Variants in FANCC observed in about 807,000 individuals in gnomAD.
The protein encoded by FANCC is Fanconi anemia group C protein.
Under a neutral mutation model 71.3 loss-of-function variants are expected in FANCC, and 55 were observed. The ratio of observed to expected loss-of-function variants is 0.77; its 90% CI spans 0.62 to 0.97. FANCC has a LOEUF of 0.97. FANCC is among the 50% of genes least tolerant of loss of function. FANCC has a pLI of 0.00. For synonymous variants in FANCC, 275 were observed against 244.9 expected, an observed-to-expected ratio of 1.12 and a Z score of -1.15; for missense variants, 678 against 670.9, an observed-to-expected ratio of 1.01 and a Z score of -0.12.
Position 95,174,140 on chromosome 9 carries a change from C to A in FANCC, c.346-1993G>T, listed in dbSNP as rs145121509. On this transcript the variant is annotated intron_variant, in intron 4 of 14. Coordinates refer to ENST00000289081, the MANE Select transcript of FANCC (RefSeq NM_000136.3). ...AAACTTTATGTCTCAGTTCTGGAGGCTGGGAAGTCCAGAACCAAGGAGCTG... is the reference window on the plus strand; with the variant it reads ...AAACTTTATGTCTCAGTTCTGGAGGATGGGAAGTCCAGAACCAAGGAGCTG... Among the ~76,000 whole-genome samples, 550 of 152,232 alleles carry A rather than the reference C, an allele frequency of 3.6e-3. 4 individuals are homozygous for A. The highest frequency in any genetic ancestry group is 0.012 in the African/African-American group (492 of 41,558).
At chr9:95,180,104 T>A (rs1180188102) in intron 4 of FANCC, among the ~76,000 whole-genome samples, 2 of 152,198 alleles carry the variant, frequency 1.3e-5, no homozygotes, top group African/African-American at 2.4e-5. Context: ...ATATTATGTA[T>A]CAATAAAAAT....
In FANCC at chr9:95,249,152, T is replaced by C. The variant is rs1588353368; in HGVS notation, c.140A>G (p.Lys47Arg). 6.2e-7 allele frequency: 1 copy of C among 1,614,050 alleles called. No individual in the cohort carries two copies. Among genetic ancestry groups the C allele is most frequent in the Non-Finnish European group, 8.5e-7 (1 of 1,179,952 alleles). ...CATCTCTTTCAAGGCTTCATACATC[T>C]TCCTTAGGAACTCCTGGAACTGAGC... ...HVAQFQEFLR[K>R]MYEALKEMDS... Residue 47 changes from lysine (K) to arginine (R), a missense_variant, in exon 2 of 15, where the codon AAG becomes AGG. Physicochemically the swap from Lys to Arg is conservative, Grantham distance 26. Transcript: ENST00000289081.
chr9:95,133,490 C>T (rs968738832), intron 8 of FANCC, among the ~76,000 whole-genome samples: 2 of 152,242 alleles, frequency 1.3e-5, no homozygotes, highest in Admixed American at 6.5e-5. Context: ...AAACTACAAA[C>T]TGGAGACTGA....
chr9:95,171,361 CA>C (rs1413761684), intron 5 of FANCC, among the ~76,000 whole-genome samples: 2 of 150,894 alleles, frequency 1.3e-5, no homozygotes, highest in Non-Finnish European at 2.9e-5. Context: ...CCTATTTAAG[CA>C]ATGAACAATA....
chr9:95,268,102 T>C (rs530193325), intron 1 of FANCC, among the ~76,000 whole-genome samples: 2 of 152,340 alleles, frequency 1.3e-5, no homozygotes, highest in South Asian at 4.1e-4. Context: ...ATTTTGCCTC[T>C]CCCCTACCAG....
intron 1 of FANCC, among the ~76,000 whole-genome samples, chr9:95,285,395 CA>C (rs1833630166): frequency 6.6e-6 from 1 of 151,842 alleles, no homozygotes; most frequent in African/African-American, 2.4e-5. Context: ...TTGTATATCA[CA>C]ATAAAAAAGC....
At chr9:95,170,974 AC>A (rs1825639997) in intron 6 of FANCC, 104 bp downstream of exon 6, 2 of 838,096 alleles carry the variant, frequency 2.4e-6, no homozygotes, top group South Asian at 2.8e-5. Flanking sequence ...ATAAAATACA[AC>A]CATAACTGAA....
intron 1 of FANCC, among the ~76,000 whole-genome samples, chr9:95,303,684 C>T (rs1238594746): frequency 1.3e-5 from 2 of 152,120 alleles, no homozygotes; most frequent in African/African-American, 4.8e-5. Flanking sequence ...TCTCTCTCTA[C>T]CTCTTCTTCT....
At chr9:95,181,472 AC>A (rs370572895) in intron 4 of FANCC, among the ~76,000 whole-genome samples, 249 of 152,254 alleles carry the variant, frequency 1.6e-3, no homozygotes, top group African/African-American at 5.7e-3. Context: ...TAAACACAAA[AC>A]CATTAAAGAT....
chr9:95,255,798 T>C (rs1381043677), intron 1 of FANCC, among the ~76,000 whole-genome samples: 1 of 151,870 alleles, frequency 6.6e-6, no homozygotes, highest in Non-Finnish European at 1.5e-5. Flanking sequence ...GCTAAGAATC[T>C]TGAAAAAAGG....
chr9:95,153,299 C>G (rs911398929), intron 6 of FANCC, among the ~76,000 whole-genome samples: 2 of 152,054 alleles, frequency 1.3e-5, no homozygotes, highest in African/African-American at 4.8e-5. Flanking sequence ...AACTGTGATG[C>G]TATAAAAATA....
intron 14 of FANCC, among the ~76,000 whole-genome samples, chr9:95,104,601 T>C (rs1468744876): frequency 1.3e-5 from 2 of 152,162 alleles, no homozygotes; most frequent in African/African-American, 4.8e-5. Context: ...CGATCTGCTT[T>C]GAATGTGGAC....
chr9:95,166,899 G>C (rs1831098608), intron 6 of FANCC, among the ~76,000 whole-genome samples: 1 of 152,022 alleles, frequency 6.6e-6, no homozygotes, highest in African/African-American at 2.4e-5. Context: ...TTACCAGAAG[G>C]CTTTATATTT....
At chr9:95,306,649 A>G (rs530997998) in intron 1 of FANCC, among the ~76,000 whole-genome samples, 8 of 152,286 alleles carry the variant, frequency 5.3e-5, no homozygotes, top group African/African-American at 1.9e-4. Context: ...TTCTGCTAAA[A>G]TCAGTTGGGT....
chr9:95,306,956 C>G (rs1054121932), intron 1 of FANCC, among the ~76,000 whole-genome samples: 1 of 152,136 alleles, frequency 6.6e-6, no homozygotes, highest in Non-Finnish European at 1.5e-5. Flanking sequence ...TCACTGCACC[C>G]TCAACCTCCC....
At chr9:95,117,475 C>A in intron 10 of FANCC, 85 bp from the exon 11 acceptor site, 1 of 1,039,764 alleles carries the variant, frequency 9.6e-7, no homozygotes. Context: ...GTCCTCTGCC[C>A]AAAAAAGACC....
At chr9:95,146,257 C>T (rs979197391) in intron 7 of FANCC, among the ~76,000 whole-genome samples, 2 of 151,950 alleles carry the variant, frequency 1.3e-5, no homozygotes, top group African/African-American at 4.8e-5. Flanking sequence ...GAGGCCAAGA[C>T]AGGCAGACTC....
At chr9:95,245,373 G>A (rs541811916) in intron 3 of FANCC, among the ~76,000 whole-genome samples, 1 of 151,824 alleles carries the variant, frequency 6.6e-6, no homozygotes, top group Admixed American at 6.6e-5. Context: ...TATCAATGGC[G>A]GAAATATTCC....
intron 4 of FANCC, among the ~76,000 whole-genome samples, chr9:95,221,058 C>T (rs372684168): frequency 1.6e-4 from 25 of 151,758 alleles, no homozygotes; most frequent in African/African-American, 6.1e-4. Flanking sequence ...GGTGAAATCC[C>T]GTTTCTACTA....
Sources: allele counts gnomAD v4.1 joint callset (sites outside exome capture counted in the v4.1 genomes callset), GRCh38; gene constraint gnomAD v4.1.1; transcripts MANE v1.5; gene names NCBI Gene and HGNC (gene_info 2026-07-23, HGNC 2026-07-21).